REV1: variants seen among roughly 807,000 people sequenced by gnomAD.
REV1 encodes REV1 DNA directed polymerase, also known as translesion synthesis protein REV1.
REV1 carries 42 observed loss-of-function variants against 137.4 expected under a neutral mutation model. That is an observed-to-expected ratio of 0.31 (90% CI 0.24 to 0.40). REV1 has a LOEUF of 0.40. Ranked by LOEUF, REV1 falls within the 10% of genes least tolerant of loss-of-function variation. The pLI, the probability that REV1 is intolerant of heterozygous loss-of-function variation, is 1.00. For missense variants in REV1, 1,282 were observed against 1,490.1 expected (o/e 0.86, Z 2.30); for synonymous variants, 524 against 519.2 (o/e 1.01, Z -0.12).
intron 3 of REV1, among the ~76,000 whole-genome samples, chr2:99,458,673 A>T (rs981234599): frequency 2.0e-5 from 3 of 152,238 alleles, no homozygotes; most frequent in East Asian, 1.9e-4. Context: ...ACAAACTGGT[A>T]CATCCACACT....
At chr2:99,482,621 C>T (rs1455335229) in intron 1 of REV1, among the ~76,000 whole-genome samples, 1 of 152,082 alleles carries the variant, frequency 6.6e-6, no homozygotes, top group Non-Finnish European at 1.5e-5. Flanking sequence ...CTTCCCAGGA[C>T]TCTTAAGAGA....
At chr2:99,465,093 C>T (rs947071635) in intron 1 of REV1, 108 bp from the exon 2 acceptor site, 48 of 784,600 alleles carry the variant, frequency 6.1e-5, no homozygotes, top group Non-Finnish European at 9.0e-5. Context: ...AAATGTCCAA[C>T]TGATGAAAGT....
intron 3 of REV1, among the ~76,000 whole-genome samples, chr2:99,454,550 C>CAA (rs373850478): frequency 1.5e-3 from 124 of 82,338 alleles, no homozygotes; most frequent in African/African-American, 2.1e-3. Context: ...AACTCCAGCT[C>CAA]AAAAAAAAAA....
At chr2:99,459,011 A>G (rs188914212) in intron 3 of REV1, among the ~76,000 whole-genome samples, 249 of 152,246 alleles carry the variant, frequency 1.6e-3, no homozygotes, top group Non-Finnish European at 2.7e-3. Flanking sequence ...GATCAAGACC[A>G]TACTGGCTAA....
At chr2:99,465,853 A>T (rs915822208) in intron 1 of REV1, among the ~76,000 whole-genome samples, 1 of 152,200 alleles carries the variant, frequency 6.6e-6, no homozygotes, top group East Asian at 1.9e-4. Context: ...CTCTGATATG[A>T]TCTATGAGAA....
chr2:99,458,616 T>C (rs900965606), intron 3 of REV1, among the ~76,000 whole-genome samples: 3 of 152,196 alleles, frequency 2.0e-5, no homozygotes, highest in African/African-American at 7.2e-5. Flanking sequence ...CAAATGTTCA[T>C]AGCCTACCAA....
chr2:99,457,658 C>T (rs1405969604), intron 3 of REV1, among the ~76,000 whole-genome samples: 2 of 150,010 alleles, frequency 1.3e-5, no homozygotes, highest in African/African-American at 4.9e-5. Flanking sequence ...GTACTCCAGC[C>T]TGGGTGACAA....
chr2:99,439,065 G>C lies in REV1; in HGVS notation c.749C>G (p.Ala250Gly). 1.2e-6 allele frequency: 2 copies of C among 1,614,096 alleles called. No individual in the cohort carries two copies. Among genetic ancestry groups the C allele is most frequent in the Non-Finnish European group, 1.7e-6 (2 of 1,179,994 alleles). The change falls in exon 6 of 23, where the codon GCC (alanine) becomes GGC (glycine). Residue 250 changes from alanine (A) to glycine (G), a missense_variant. By Grantham distance (60) the Ala-to-Gly change is moderately conservative. Transcript: ENST00000258428. ...DCLVPMVNSVASRLSPAFSQE... is the reference protein window; with the variant it reads ...DCLVPMVNSVGSRLSPAFSQE... ...GGAAAAGGCTGGAGAAAGCCTGCTG[G>C]CAACACTGTTGACCATGGGCACCAA...
At chr2:99,437,313 T>A (rs1308423144) in intron 6 of REV1, among the ~76,000 whole-genome samples, 1 of 152,084 alleles carries the variant, frequency 6.6e-6, no homozygotes, top group Non-Finnish European at 1.5e-5. Context: ...CACAACCCCA[T>A]GAGGCAAACA....
rs1489784590 is a variant in REV1, at chr2:99,407,412, C to T, written c.2448+617G>A. Among the ~76,000 whole-genome samples, 6 of 151,304 alleles carry T rather than the reference C, an allele frequency of 4.0e-5. No individual in the cohort carries two copies. The East Asian group carries it at 7.8e-4, about 20-fold the overall frequency. ...CCAAAAATACAAAAAATTAGCTGGG[C>T]GTGGTAGCGGGTGCCTGTACCCCCA... is the stretch of plus-strand genomic sequence containing the variant. On this transcript the variant is annotated intron_variant, in intron 15 of 22. Transcript: ENST00000258428.
intron 9 of REV1, 102 bp downstream of exon 9, chr2:99,429,738 G>T: frequency 1.4e-6 from 1 of 738,044 alleles, no homozygotes; most frequent in Non-Finnish European, 2.1e-6. Flanking sequence ...TAACACGTCT[G>T]TAACATTTAA....
chr2:99,463,625 T>C (rs1304244905), intron 2 of REV1, among the ~76,000 whole-genome samples: 1 of 152,128 alleles, frequency 6.6e-6, no homozygotes, highest in African/African-American at 2.4e-5. Flanking sequence ...TCTCAGAGCA[T>C]ATTTTATTTT....
At chr2:99,452,250 C>A (rs1683008433) in intron 3 of REV1, among the ~76,000 whole-genome samples, 1 of 151,816 alleles carries the variant, frequency 6.6e-6, no homozygotes, top group South Asian at 2.1e-4. Flanking sequence ...CAAAGTGAGA[C>A]CCTGTCTCTA....
intron 1 of REV1, among the ~76,000 whole-genome samples, chr2:99,468,094 C>T (rs1280974770): frequency 6.6e-6 from 1 of 151,832 alleles, no homozygotes; most frequent in Non-Finnish European, 1.5e-5. Context: ...GCAGGAGAAT[C>T]GCTTGAACCC....
At chr2:99,474,116 TC>T (rs1316847930) in intron 1 of REV1, among the ~76,000 whole-genome samples, 1 of 152,234 alleles carries the variant, frequency 6.6e-6, no homozygotes, top group Non-Finnish European at 1.5e-5. Flanking sequence ...CTTTTAGTGT[TC>T]CTTTAATTTT....
chr2:99,476,263 T>C (rs1256151056), intron 1 of REV1, among the ~76,000 whole-genome samples: 1 of 151,982 alleles, frequency 6.6e-6, no homozygotes, highest in Non-Finnish European at 1.5e-5. Context: ...TCTAAGCCCT[T>C]AGAACGTCCA....
chr2:99,439,349 CTT>C, intron 5 of REV1, 39 bp from the exon 6 acceptor site: 1 of 1,427,298 alleles, frequency 7.0e-7, no homozygotes, highest in Non-Finnish European at 9.6e-7. Flanking sequence ...TAATATCTGA[CTT>C]TTAGGTTAAA....
chr2:99,439,390 G>A, intron 5 of REV1, 80 bp from the exon 6 acceptor site: 1 of 932,582 alleles, frequency 1.1e-6, no homozygotes, highest in South Asian at 1.8e-5. Flanking sequence ...CATTTTCTTA[G>A]TGGTACACAG....
intron 1 of REV1, among the ~76,000 whole-genome samples, chr2:99,474,598 C>T (rs187025541): frequency 1.3e-5 from 2 of 152,280 alleles, no homozygotes; most frequent in African/African-American, 4.8e-5. Flanking sequence ...TAGACCCCAA[C>T]TAGTCCATAT....
Sources: gnomAD v4.1 joint callset for allele counts (sites outside exome capture counted in the v4.1 genomes callset) on GRCh38, gnomAD v4.1.1 for gene constraint, MANE v1.5 for transcripts, NCBI Gene and HGNC (gene_info 2026-07-23, HGNC 2026-07-21) for gene names.